Variants in TATDN2 observed in about 807,000 individuals in gnomAD.
The protein encoded by TATDN2 is TatD DNase domain containing 2.
A neutral mutation model predicts 60.3 loss-of-function variants in TATDN2; 44 were observed. That is an observed-to-expected ratio of 0.73 (90% confidence interval 0.57 to 0.94). The LOEUF is 0.94. TATDN2 is among the 40% of genes least tolerant of loss of function. The pLI, the probability that TATDN2 is intolerant of heterozygous loss-of-function variation, is 0.00. For synonymous variants in TATDN2, 399 were observed against 355.8 expected, an observed-to-expected ratio of 1.12 and a Z score of -1.37; for missense variants, 997 against 948.0, an observed-to-expected ratio of 1.05 and a Z score of -0.68.
chr3:10,278,552 C>G lies in TATDN2; in HGVS notation c.2145+90C>G. 1.3e-6 allele frequency: 2 copies of G among 1,542,030 alleles called. No individual in the cohort carries two copies. The highest frequency in any genetic ancestry group is 1.8e-6 in the Non-Finnish European group (2 of 1,120,702). Reference sequence around the variant, plus strand: ...CTTACAAGGTTGGCAGGGCCAGAGCCCCAGTGACTTCCAGGTCCCATCCTG... The same window carrying G: ...CTTACAAGGTTGGCAGGGCCAGAGCGCCAGTGACTTCCAGGTCCCATCCTG... On this transcript the variant is annotated intron_variant, in intron 6 of 7. Transcript: ENST00000448281. This position sits in a 1 kb window ranked among gnomAD's most constrained non-coding sequence, Gnocchi z 4.7.
intron 3 of TATDN2, 116 bp downstream of exon 3, chr3:10,260,786 G>A: frequency 8.0e-7 from 1 of 1,251,336 alleles, no homozygotes. Context: ...ACTTAACCAG[G>A]CCTCCAGGGA....
chr3:10,278,360 G>C lies in TATDN2; in HGVS notation c.2043G>C (p.Val681=). Residue 681 remains valine, a synonymous_variant, in exon 6 of 8, where the codon GTG becomes GTC. Coordinates refer to ENST00000448281, the MANE Select transcript of TATDN2 (RefSeq NM_014760.4). This position sits in a 1 kb window ranked among gnomAD's most constrained non-coding sequence, Gnocchi z 4.7. ...FPNMSVGFTA[V]LTYSSAWEAR... ...ACATGTCTGTGGGCTTCACGGCAGTGCTGACATACTCCTCTGCCTGGGAGG... is the reference window on the plus strand; with the variant it reads ...ACATGTCTGTGGGCTTCACGGCAGTCCTGACATACTCCTCTGCCTGGGAGG... 1 of 1,614,220 alleles carries C rather than the reference G, an allele frequency of 6.2e-7. No individual in the cohort carries two copies. The highest frequency in any genetic ancestry group is 8.5e-7 in the Non-Finnish European group (1 of 1,180,036).
chr3:10,270,047 G>C lies in TATDN2; in HGVS notation c.949-84G>C, dbSNP rs531945285. 59 of 1,511,776 alleles carry C rather than the reference G, an allele frequency of 3.9e-5. 1 individual carries two copies. The South Asian group carries it at 7.3e-4, about 19-fold the overall frequency. 93.6% of individuals were successfully genotyped at this position (1,511,776 alleles called of 1,614,324 possible). ...CACCATGGCCAGAAGAACAAGCCAG[G>C]GTTTATGTTCAGCTGATGACAGCCT... On this transcript the variant is annotated intron_variant, in intron 3 of 7. Coordinates refer to ENST00000448281, the MANE Select transcript of TATDN2 (RefSeq NM_014760.4).
At chr3:10,257,493 A>G (rs1698325426) in intron 2 of TATDN2, among the ~76,000 whole-genome samples, 1 of 146,274 alleles carries the variant, frequency 6.8e-6, no homozygotes, top group South Asian at 2.3e-4. Context: ...GCCAGGTGTG[A>G]TTGCACATGC....
At chr3:10,276,210 T>C in intron 4 of TATDN2, 151 bp from the exon 5 acceptor site, 2 of 1,058,366 alleles carry the variant, frequency 1.9e-6, no homozygotes, top group Non-Finnish European at 2.7e-6. Context: ...CCTGGCTCTA[T>C]TGTAAGTGAC....
chr3:10,271,662 C>A (rs988235038), intron 4 of TATDN2, among the ~76,000 whole-genome samples: 1 of 151,868 alleles, frequency 6.6e-6, no homozygotes, highest in African/African-American at 2.4e-5. Flanking sequence ...TGAAAAAATG[C>A]ATAATTTCCC....
At chr3:10,271,166 C>T (rs1576014786) in intron 4 of TATDN2, 151 bp downstream of exon 4, 1 of 935,510 alleles carries the variant, frequency 1.1e-6, no homozygotes, top group Non-Finnish European at 1.5e-6. Flanking sequence ...ATCTAGATGC[C>T]ATTTGTCAAA....
chr3:10,276,209 A>G lies in TATDN2; in HGVS notation c.1834-152A>G, dbSNP rs539360375. ...AGTGCTTTGGGCACTACCTGGCTCT[A>G]TTGTAAGTGACCAATAATCATTAGC... On this transcript the variant is annotated intron_variant, in intron 4 of 7. Coordinates refer to ENST00000448281, the MANE Select transcript of TATDN2 (RefSeq NM_014760.4). The G allele has an allele frequency of 7.6e-6, 8 of 1,047,578 alleles. No homozygotes were observed. In the South Asian group the frequency reaches 1.3e-4, roughly 17 times the overall value. 64.9% of individuals were successfully genotyped at this position (1,047,578 alleles called of 1,614,324 possible).
chr3:10,264,186 GTCC>G (rs1382659170), intron 3 of TATDN2, among the ~76,000 whole-genome samples: 5 of 152,156 alleles, frequency 3.3e-5, no homozygotes. Flanking sequence ...ATTTCACCCT[GTCC>G]TCCTCCTTTT....
rs764716702 is a variant in TATDN2, at chr3:10,270,878, C to T, written c.1696C>T (p.His566Tyr). Residue 566 changes from histidine to tyrosine, a missense_variant, in exon 4 of 8, where the codon CAT (histidine) becomes TAT (tyrosine). His to Tyr is a moderately conservative substitution (Grantham distance 83, BLOSUM62 2). Transcript: ENST00000448281. ...CTGGGGGGCCTTTGGCTGTCACCCT[C>T]ATTTTGCACGTTACTACAGTGAGAG... ...LVWGAFGCHP[H>Y]FARYYSESQE... The T allele has an allele frequency of 6.2e-6, 10 of 1,614,092 alleles. No homozygotes were observed. In the Admixed American group the frequency reaches 1.5e-4, roughly 24 times the overall value.
chr3:10,257,535 A>T (rs1698325999), intron 2 of TATDN2, among the ~76,000 whole-genome samples: 1 of 142,884 alleles, frequency 7.0e-6, no homozygotes, highest in African/African-American at 2.6e-5. Context: ...AGGCTGAGGC[A>T]GGAGAATCTG....
intron 2 of TATDN2, among the ~76,000 whole-genome samples, chr3:10,253,650 A>G (rs1027003077): frequency 3.9e-5 from 6 of 152,254 alleles, no homozygotes; most frequent in East Asian, 1.9e-4. Flanking sequence ...TTGAGCATGT[A>G]TGATAAGGCT....
chr3:10,257,623 A>C (rs1307885167), intron 2 of TATDN2, among the ~76,000 whole-genome samples: 3 of 149,948 alleles, frequency 2.0e-5, no homozygotes, highest in Non-Finnish European at 4.4e-5. Flanking sequence ...AAAAAAAAAA[A>C]ACAAAAATGA....
intron 2 of TATDN2, among the ~76,000 whole-genome samples, chr3:10,255,124 C>T (rs1476072165): frequency 6.0e-5 from 9 of 150,730 alleles, no homozygotes; most frequent in African/African-American, 2.2e-4. Context: ...ATCTTCCTGC[C>T]TCAGCCTCCC....
Position 10,256,578 on chromosome 3 carries a change from A to G in TATDN2, c.415-3559A>G, listed in dbSNP as rs558904394. Among the ~76,000 whole-genome samples the G allele has an allele frequency of 1.5e-4, 23 of 152,124 alleles. No individual in the cohort carries two copies. The South Asian group carries it at 3.5e-3, about 23-fold the overall frequency. ...TGCTTGCTTAATGGTTGAAAAGTGCACTAAATTCAATATTTCTGGTTTTAC... is the reference window on the plus strand; with the variant it reads ...TGCTTGCTTAATGGTTGAAAAGTGCGCTAAATTCAATATTTCTGGTTTTAC... On this transcript the variant is annotated intron_variant, in intron 2 of 7. Coordinates refer to ENST00000448281, the MANE Select transcript of TATDN2 (RefSeq NM_014760.4).
chr3:10,272,245 C>T (rs1276838016), intron 4 of TATDN2, among the ~76,000 whole-genome samples: 2 of 151,962 alleles, frequency 1.3e-5, no homozygotes, highest in Non-Finnish European at 2.9e-5. Flanking sequence ...GCTGGGACTG[C>T]AGGTGCACAC....
chr3:10,280,162 G>A lies in TATDN2; in HGVS notation c.*980G>A, dbSNP rs747231866. On this transcript the variant is annotated 3_prime_UTR_variant, in exon 8 of 8. Transcript: ENST00000448281. The stretch of plus-strand genomic sequence containing the variant: ...GAGAGGTGAATCAGCGTAATTCTCC[G>A]AAGCTCTGCTGGGCAGCTCAGCCAT... 6.5e-6 allele frequency: 1 copy of A among 153,792 alleles called. No homozygotes were observed. The allele number at this position is 153,792 out of a possible 1,614,324, so 9.5% of individuals were successfully genotyped here. A position where few individuals can be genotyped will look rare whatever the true frequency, so the allele number is the denominator to read the frequency against.
chr3:10,252,855 A>AT (rs373138121), intron 2 of TATDN2, among the ~76,000 whole-genome samples: 37,727 of 111,984 alleles, frequency 0.34, 7,694 homozygotes, highest in African/African-American at 0.48. Context: ...TGCCTGGCTA[A>AT]TTTTTTTTTT....
chr3:10,279,199 C>A (rs1421050901), intron 7 of TATDN2, 22 bp from the exon 8 acceptor site: 1 of 888,848 alleles, frequency 1.1e-6, no homozygotes. Flanking sequence ...GAACCTTCTT[C>A]TTTTTCTCTT....
Sources: allele counts gnomAD v4.1 joint callset (sites outside exome capture counted in the v4.1 genomes callset), GRCh38; gene constraint gnomAD v4.1.1; non-coding constraint Gnocchi (gnomAD v3.1); transcripts MANE v1.5; gene names NCBI Gene and HGNC (gene_info 2026-07-23, HGNC 2026-07-21).